The following RHOBTB3 variants were observed in gnomAD, a reference collection of about 807,000 sequenced individuals.
RHOBTB3 encodes the protein Rho related BTB domain containing 3.
In RHOBTB3, 47 loss-of-function variants were observed where a neutral mutation model predicts 67.2. The observed-to-expected ratio is 0.70, with a 90% CI of 0.55 to 0.89. RHOBTB3 has a LOEUF of 0.89. Among genes scored for constraint, RHOBTB3 ranks in the 40% least tolerant of loss-of-function variants. The pLI, the probability that RHOBTB3 is intolerant of heterozygous loss-of-function variation, is 0.00. For synonymous variants in RHOBTB3, 273 were observed against 274.2 expected (o/e 1.00, Z 0.04); for missense variants, 631 against 750.0 (o/e 0.84, Z 1.85).
intron 3 of RHOBTB3, among the ~76,000 whole-genome samples, chr5:95,737,328 C>T (rs1185620253): frequency 1.3e-5 from 2 of 152,128 alleles, no homozygotes; most frequent in Non-Finnish European, 2.9e-5. Flanking sequence ...TGATGGAAGT[C>T]AGCAATTGTA....
chr5:95,720,003 C>T (rs957871725), intron 1 of RHOBTB3, among the ~76,000 whole-genome samples: 8 of 152,120 alleles, frequency 5.3e-5, no homozygotes, highest in Non-Finnish European at 1.0e-4. Context: ...GTAGACTTTC[C>T]TATAAGGGAA....
At chr5:95,756,576 T>C (rs1247054891) in intron 6 of RHOBTB3, among the ~76,000 whole-genome samples, 3 of 152,236 alleles carry the variant, frequency 2.0e-5, no homozygotes, top group African/African-American at 7.2e-5. Flanking sequence ...GATTTTTTAC[T>C]GCCATACTGT....
At chr5:95,727,143 TA>T (rs1357160410), upstream of RHOBTB3, among the ~76,000 whole-genome samples, 9 of 152,240 alleles carry the variant, frequency 5.9e-5, no homozygotes, top group African/African-American at 1.9e-4. Context: ...GAAACTTTAA[TA>T]TTTTTTTAAA....
intron 6 of RHOBTB3, 64 bp from the exon 7 acceptor site, chr5:95,763,444 G>A (rs575095986): frequency 5.5e-6 from 5 of 916,058 alleles, no homozygotes; most frequent in South Asian, 2.9e-5. Context: ...TATTTAATAA[G>A]AGATTTACTT....
intron 7 of RHOBTB3, chr5:95,767,680 A>G: frequency 1.7e-6 from 1 of 604,254 alleles, no homozygotes; most frequent in Non-Finnish European, 3.0e-6. Flanking sequence ...TTAATGAACA[A>G]ATTAGGTTGT....
At chr5:95,786,090 A>G (rs1447867336) in intron 10 of RHOBTB3, among the ~76,000 whole-genome samples, 2 of 152,350 alleles carry the variant, frequency 1.3e-5, no homozygotes, top group East Asian at 3.8e-4. Context: ...GATTAAGCCT[A>G]AATTTACCAG....
intron 2 of RHOBTB3, chr5:95,732,391 G>A: frequency 1.8e-6 from 1 of 559,762 alleles, no homozygotes; most frequent in Non-Finnish European, 3.2e-6. Context: ...CAAGGGACGG[G>A]GTCACTAAGT....
chr5:95,796,215 A>C lies in RHOBTB3; in HGVS notation c.*3041A>C, dbSNP rs11557537. On this transcript the variant is annotated 3_prime_UTR_variant, in exon 12 of 12. Transcript: ENST00000379982. ...CAAAAATGTCCTCAAAGAGTACTTT[A>C]TTTTATTTAAAGCATCTGTTTAATT... is the stretch of plus-strand genomic sequence containing the variant. 6.6e-6 allele frequency: 1 copy of C among 152,256 alleles called. No homozygotes were observed. The highest frequency in any genetic ancestry group is 1.5e-5 in the Non-Finnish European group (1 of 68,034). 9.4% of individuals were successfully genotyped at this position (152,256 alleles called of 1,614,324 possible).
At chr5:95,727,805 A>C (rs754767841), upstream of RHOBTB3, among the ~76,000 whole-genome samples, 1 of 152,248 alleles carries the variant, frequency 6.6e-6, no homozygotes, top group African/African-American at 2.4e-5. Context: ...TTTAGCCAAG[A>C]TAAATAACAC....
intron 10 of RHOBTB3, among the ~76,000 whole-genome samples, chr5:95,787,805 A>C (rs556569495): frequency 2.0e-5 from 3 of 152,234 alleles, no homozygotes; most frequent in African/African-American, 4.8e-5. Context: ...AGTGAAATTC[A>C]TAGAGACAGA....
chr5:95,746,545 G>A (rs1297510463), intron 3 of RHOBTB3, among the ~76,000 whole-genome samples: 1 of 152,074 alleles, frequency 6.6e-6, no homozygotes, highest in Non-Finnish European at 1.5e-5. Context: ...AAAAGTAAAA[G>A]TAAAATCTCA....
chr5:95,777,734 G>C (rs999512240), intron 8 of RHOBTB3, among the ~76,000 whole-genome samples: 2 of 152,186 alleles, frequency 1.3e-5, no homozygotes, highest in African/African-American at 4.8e-5. Flanking sequence ...GTTTAAAGAG[G>C]TGAAAAACTG....
chr5:95,769,726 C>T (rs184990170), intron 8 of RHOBTB3: 1 of 179,588 alleles, frequency 5.6e-6, no homozygotes, highest in Non-Finnish European at 1.2e-5. Flanking sequence ...CTTATTGATA[C>T]ATCAGAAGGT....
chr5:95,732,820 T>G (rs1020806765), intron 2 of RHOBTB3: 4 of 152,234 alleles, frequency 2.6e-5, no homozygotes, highest in Non-Finnish European at 5.9e-5. Flanking sequence ...GAACTTACTT[T>G]CTGACACATA....
At chr5:95,726,205 C>T (rs1755047509), upstream of RHOBTB3, among the ~76,000 whole-genome samples, 1 of 152,156 alleles carries the variant, frequency 6.6e-6, no homozygotes, top group African/African-American at 2.4e-5. Context: ...AAGGTATTTG[C>T]TAACAAAGGA....
intron 4 of RHOBTB3, among the ~76,000 whole-genome samples, chr5:95,750,541 A>G (rs1305954267): frequency 6.6e-6 from 1 of 152,206 alleles, no homozygotes; most frequent in Non-Finnish European, 1.5e-5. Flanking sequence ...TATATAATGC[A>G]TATATTACAG....
At chr5:95,722,614 C>CT (rs1754920672) in intron 1 of RHOBTB3, among the ~76,000 whole-genome samples, 1 of 152,172 alleles carries the variant, frequency 6.6e-6, no homozygotes, top group Non-Finnish European at 1.5e-5. Flanking sequence ...CTCAGCCTCC[C>CT]AAGTAGCTGG....
upstream of RHOBTB3, among the ~76,000 whole-genome samples, chr5:95,730,127 A>G (rs1235287674): frequency 4.6e-5 from 7 of 152,046 alleles, no homozygotes; most frequent in Admixed American, 6.6e-5. Flanking sequence ...CTCCCATTAT[A>G]TCCTCTCTGA....
intron 8 of RHOBTB3, among the ~76,000 whole-genome samples, chr5:95,778,723 C>G (rs990804452): frequency 2.6e-5 from 4 of 152,224 alleles, no homozygotes; most frequent in African/African-American, 9.6e-5. Context: ...TAAAACCTTA[C>G]AATTACAAGT....
Sources: allele counts gnomAD v4.1 joint callset (sites outside exome capture counted in the v4.1 genomes callset), GRCh38; gene constraint gnomAD v4.1.1; transcripts MANE v1.5; gene names NCBI Gene and HGNC (gene_info 2026-07-23, HGNC 2026-07-21).